The following TMEM207 variants were observed in gnomAD, a reference collection of about 807,000 sequenced individuals.
TMEM207 encodes the protein SRSR846.
In TMEM207, 15 loss-of-function variants were observed where a neutral mutation model predicts 17.4. That is an observed-to-expected ratio of 0.86 (90% CI 0.58 to 1.33). The LOEUF is 1.33. Ranked by LOEUF, TMEM207 falls within the 40% of genes most tolerant of loss-of-function variation. The pLI is 0.00. For missense variants in TMEM207, 205 were observed against 173.8 expected, an observed-to-expected ratio of 1.18 and a Z score of -1.01; for synonymous variants, 70 against 65.6, an observed-to-expected ratio of 1.07 and a Z score of -0.33.
At chr3:190,449,598 A>T in intron 1 of TMEM207, 137 bp downstream of exon 1, 1 of 736,280 alleles carries the variant, frequency 1.4e-6, no homozygotes, top group Non-Finnish European at 2.3e-6. Flanking sequence ...AAATCATAAG[A>T]TGCTAGTAAA....
At chr3:190,444,079 T>C (rs1347058400) in intron 2 of TMEM207, among the ~76,000 whole-genome samples, 2 of 152,216 alleles carry the variant, frequency 1.3e-5, no homozygotes, top group Non-Finnish European at 1.5e-5. Flanking sequence ...GATTACACAT[T>C]TATGAATTTG....
intron 3 of TMEM207, 59 bp from the exon 4 acceptor site, chr3:190,440,448 T>C: frequency 6.7e-7 from 1 of 1,497,850 alleles, no homozygotes. Context: ...AGTTAAGAGC[T>C]TCCATCACTA....
intron 4 of TMEM207, among the ~76,000 whole-genome samples, chr3:190,430,204 C>T (rs961815125): frequency 1.1e-4 from 17 of 151,860 alleles, no homozygotes; most frequent in African/African-American, 3.9e-4. Context: ...AAATGTTAAG[C>T]TCGGTGATGA....
At chr3:190,443,701 A>G (rs994275942) in intron 2 of TMEM207, among the ~76,000 whole-genome samples, 1 of 152,146 alleles carries the variant, frequency 6.6e-6, no homozygotes, top group African/African-American at 2.4e-5. Context: ...CAAGTTGTAA[A>G]CAGAAACTTT....
At chr3:190,432,927 G>A (rs906661926) in intron 4 of TMEM207, among the ~76,000 whole-genome samples, 1 of 152,272 alleles carries the variant, frequency 6.6e-6, no homozygotes, top group South Asian at 2.1e-4. Context: ...TAGGAGGGGT[G>A]TCACCTCGGG....
chr3:190,446,624 A>G (rs1232348778), intron 2 of TMEM207, among the ~76,000 whole-genome samples: 4 of 152,202 alleles, frequency 2.6e-5, no homozygotes, highest in Non-Finnish European at 5.9e-5. Context: ...TTGAAGCCCT[A>G]CTACTCATTT....
At chr3:190,440,904 T>TA (rs1192681157) in intron 3 of TMEM207, among the ~76,000 whole-genome samples, 1 of 151,982 alleles carries the variant, frequency 6.6e-6, no homozygotes, top group African/African-American at 2.4e-5. Context: ...CCGTCTCTAC[T>TA]AAAAAATACA....
chr3:190,441,050 C>G (rs1471546245), intron 3 of TMEM207, among the ~76,000 whole-genome samples: 1 of 151,344 alleles, frequency 6.6e-6, no homozygotes, highest in Non-Finnish European at 1.5e-5. Flanking sequence ...GCCTGGGCGA[C>G]AGAGCAAAAC....
chr3:190,444,334 G>T, intron 2 of TMEM207: 1 of 771,084 alleles, frequency 1.3e-6, no homozygotes, highest in Non-Finnish European at 1.6e-6. Flanking sequence ...AGTGGTAGAA[G>T]TAGGTTTTCA....
At chr3:190,437,571 T>C (rs961376873) in intron 4 of TMEM207, among the ~76,000 whole-genome samples, 7 of 152,220 alleles carry the variant, frequency 4.6e-5, no homozygotes, top group African/African-American at 1.4e-4. Context: ...CCAGTTAGAA[T>C]GGCAATCATT....
chr3:190,447,909 T>C, intron 1 of TMEM207, 82 bp from the exon 2 acceptor site: 3 of 1,317,840 alleles, frequency 2.3e-6, no homozygotes, highest in Non-Finnish European at 2.1e-6. Context: ...AGAGACAATG[T>C]GGGTTTATAT....
chr3:190,437,346 G>A (rs1397166734), intron 4 of TMEM207, among the ~76,000 whole-genome samples: 1 of 152,142 alleles, frequency 6.6e-6, no homozygotes, highest in Non-Finnish European at 1.5e-5. Context: ...CTTTAAACTC[G>A]ATTAGTTGAC....
At chr3:190,434,312 A>T (rs1719755226) in intron 4 of TMEM207, among the ~76,000 whole-genome samples, 1 of 152,152 alleles carries the variant, frequency 6.6e-6, no homozygotes, top group Non-Finnish European at 1.5e-5. Flanking sequence ...GATGGAAGAC[A>T]ATTGAGTGGT....
chr3:190,440,839 C>A (rs112858525), intron 3 of TMEM207, among the ~76,000 whole-genome samples: 1 of 152,094 alleles, frequency 6.6e-6, no homozygotes, highest in Non-Finnish European at 1.5e-5. Context: ...GAGGCCGAGG[C>A]GGGCGGATCA....
At chr3:190,449,679 C>G in intron 1 of TMEM207, 56 bp downstream of exon 1, 2 of 1,509,254 alleles carry the variant, frequency 1.3e-6, no homozygotes, top group South Asian at 2.3e-5. Flanking sequence ...AAATCAAGTC[C>G]TCAGAGTACC....
At chr3:190,430,284 A>G (rs1029266941) in intron 4 of TMEM207, among the ~76,000 whole-genome samples, 6 of 152,164 alleles carry the variant, frequency 3.9e-5, no homozygotes, top group South Asian at 4.1e-4. Context: ...AAACTTGGAA[A>G]TCAAAGTTCT....
At chr3:190,437,221 C>G (rs1431910791) in intron 4 of TMEM207, among the ~76,000 whole-genome samples, 1 of 152,152 alleles carries the variant, frequency 6.6e-6, no homozygotes, top group African/African-American at 2.4e-5. Context: ...AAAAGCTGCT[C>G]TATAGAAAAG....
intron 4 of TMEM207, among the ~76,000 whole-genome samples, chr3:190,439,630 T>C (rs1719885883): frequency 6.6e-6 from 1 of 152,192 alleles, no homozygotes; most frequent in Non-Finnish European, 1.5e-5. Flanking sequence ...CTCTAAGCCC[T>C]GAATTTCCTC....
At chr3:190,441,072 G>GA (rs34324314) in intron 3 of TMEM207, among the ~76,000 whole-genome samples, 2,393 of 146,128 alleles carry the variant, frequency 0.016, 63 homozygotes, top group African/African-American at 0.056. Context: ...GTGTCTCAGA[G>GA]AAAAAAAAAA....
Sources: gnomAD v4.1 joint callset for allele counts (sites outside exome capture counted in the v4.1 genomes callset) on GRCh38, gnomAD v4.1.1 for gene constraint, MANE v1.5 for transcripts, NCBI Gene and HGNC (gene_info 2026-07-23, HGNC 2026-07-21) for gene names.